PRDM5: variants seen among roughly 807,000 people sequenced by gnomAD.
The protein encoded by PRDM5 is PR domain zinc finger protein 5.
In PRDM5, 56 loss-of-function variants were observed where a neutral mutation model predicts 81.2. The ratio of observed to expected loss-of-function variants is 0.69; its 90% CI spans 0.56 to 0.86. The LOEUF is 0.86. Ranked by LOEUF, PRDM5 falls within the 40% of genes least tolerant of loss-of-function variation. PRDM5 has a pLI of 0.00. For synonymous variants in PRDM5, 267 were observed against 256.4 expected, an observed-to-expected ratio of 1.04 and a Z score of -0.39; for missense variants, 697 against 770.1, an observed-to-expected ratio of 0.91 and a Z score of 1.12.
intron 3 of PRDM5, among the ~76,000 whole-genome samples, chr4:120,831,789 A>G (rs1013535878): frequency 2.0e-5 from 3 of 152,160 alleles, no homozygotes; most frequent in Non-Finnish European, 4.4e-5. Context: ...TTGGTCATAG[A>G]TCAGTAAATT....
At chr4:120,869,757 T>C (rs562370182) in intron 2 of PRDM5, among the ~76,000 whole-genome samples, 2 of 151,930 alleles carry the variant, frequency 1.3e-5, no homozygotes, top group African/African-American at 4.8e-5. Context: ...AAAAGGCAAA[T>C]GTGTAGAAAT....
In PRDM5 at chr4:120,823,824, C is replaced by T. The variant is rs181323133; in HGVS notation, c.301-2479G>A. On this transcript the variant is annotated intron_variant, in intron 3 of 15. Transcript: ENST00000264808. ...CACAAACCTCATGTTGAAATGTGAT[C>T]CCCAATGTTAGAGGTGGGGCCTGAT... Among the ~76,000 whole-genome samples, 212 of 152,298 alleles carry T rather than the reference C, an allele frequency of 1.4e-3. 1 individual carries two copies. Among genetic ancestry groups the T allele is most frequent in the Non-Finnish European group, 2.4e-3 (160 of 68,022 alleles).
At chr4:120,807,763 TC>T (rs1333130365) in intron 8 of PRDM5, among the ~76,000 whole-genome samples, 3 of 152,180 alleles carry the variant, frequency 2.0e-5, no homozygotes, top group African/African-American at 7.2e-5. Context: ...GGGTTCATGG[TC>T]TCGCTGGCTT....
In PRDM5 at chr4:120,909,711, G is replaced by C. The variant is rs528769809; in HGVS notation, c.94-2154C>G. Among the ~76,000 whole-genome samples the C allele has an allele frequency of 5.3e-5, 8 of 152,042 alleles. No individual in the cohort carries two copies. The South Asian group carries it at 6.3e-4, about 12-fold the overall frequency. The stretch of plus-strand genomic sequence containing the variant: ...ACTCAAATAAATGCAATGGGATCGG[G>C]GGGTGGGGGGTGCGGGGGAAGCCTG... On this transcript the variant is annotated intron_variant, in intron 1 of 15. Transcript: ENST00000264808.
chr4:120,864,683 G>C (rs1002597937), intron 2 of PRDM5, among the ~76,000 whole-genome samples: 2 of 152,128 alleles, frequency 1.3e-5, no homozygotes, highest in Non-Finnish European at 2.9e-5. Context: ...TTTAAGTTAA[G>C]GAGTGTTCAG....
At chr4:120,853,394 C>A (rs371914609) in intron 3 of PRDM5, 24 bp downstream of exon 3, 4 of 1,613,518 alleles carry the variant, frequency 2.5e-6, no homozygotes, top group Non-Finnish European at 3.4e-6. Flanking sequence ...GTGCATAGTA[C>A]AAATGAGAAG....
intron 3 of PRDM5, among the ~76,000 whole-genome samples, chr4:120,829,412 T>C (rs1477132346): frequency 6.6e-6 from 1 of 152,090 alleles, no homozygotes; most frequent in East Asian, 1.9e-4. Context: ...CACCTCAACC[T>C]TCTCTGATAA....
chr4:120,834,771 G>A (rs1757147386), intron 3 of PRDM5, among the ~76,000 whole-genome samples: 2 of 152,044 alleles, frequency 1.3e-5, no homozygotes, highest in South Asian at 4.2e-4. Context: ...AAAACAAAAA[G>A]GCTGACTCTC....
intron 3 of PRDM5, among the ~76,000 whole-genome samples, chr4:120,848,592 C>T (rs1263643387): frequency 6.6e-6 from 1 of 152,146 alleles, no homozygotes. Context: ...TAACTGCTAA[C>T]TGGCATGCAG....
At chr4:120,759,736 A>G (rs1307548238) in intron 13 of PRDM5, among the ~76,000 whole-genome samples, 1 of 152,190 alleles carries the variant, frequency 6.6e-6, no homozygotes, top group Non-Finnish European at 1.5e-5. Context: ...ATCCAACTTC[A>G]AATAACGACT....
At chr4:120,867,787 A>C (rs1409974323) in intron 2 of PRDM5, among the ~76,000 whole-genome samples, 1 of 152,216 alleles carries the variant, frequency 6.6e-6, no homozygotes, top group Non-Finnish European at 1.5e-5. Flanking sequence ...AGTGACAAAA[A>C]CACCTTCTTT....
intron 14 of PRDM5, among the ~76,000 whole-genome samples, chr4:120,752,932 T>G: frequency 6.6e-6 from 1 of 152,202 alleles, no homozygotes; most frequent in East Asian, 1.9e-4. Flanking sequence ...TCTGTATTAT[T>G]CTCATTAATA....
At chr4:120,873,320 A>C (rs1221103843) in intron 2 of PRDM5, among the ~76,000 whole-genome samples, 1 of 152,154 alleles carries the variant, frequency 6.6e-6, no homozygotes, top group East Asian at 1.9e-4. Flanking sequence ...TTTTAAGAAG[A>C]GAAAAAAACA....
intron 15 of PRDM5, among the ~76,000 whole-genome samples, chr4:120,696,681 A>G (rs1203497847): frequency 1.3e-5 from 2 of 152,018 alleles, no homozygotes; most frequent in Admixed American, 6.6e-5. Context: ...TACTGCAGAC[A>G]CTCAATAAAT....
chr4:120,804,840 T>C (rs1752670775), intron 8 of PRDM5, among the ~76,000 whole-genome samples: 1 of 151,954 alleles, frequency 6.6e-6, no homozygotes, highest in East Asian at 1.9e-4. Flanking sequence ...AGGCAAGAAA[T>C]AACTAAGACC....
chr4:120,702,343 C>T (rs931429381), intron 15 of PRDM5, among the ~76,000 whole-genome samples: 5 of 152,180 alleles, frequency 3.3e-5, no homozygotes, highest in Admixed American at 6.5e-5. Flanking sequence ...CATTGGGCTT[C>T]CTGCCTCAGA....
chr4:120,781,049 A>G (rs1748961037), intron 12 of PRDM5, 94 bp downstream of exon 12: 1 of 1,063,506 alleles, frequency 9.4e-7, no homozygotes, highest in African/African-American at 1.6e-5. Context: ...ATATTTTGAT[A>G]GATTAATATA....
At chr4:120,802,470 T>C (rs1228702101) in intron 8 of PRDM5, among the ~76,000 whole-genome samples, 2 of 152,224 alleles carry the variant, frequency 1.3e-5, no homozygotes, top group African/African-American at 2.4e-5. Context: ...AGGGGCAGAC[T>C]GACACCCCAC....
chr4:120,745,448 A>G (rs1396406855), intron 14 of PRDM5, among the ~76,000 whole-genome samples: 2 of 149,018 alleles, frequency 1.3e-5, no homozygotes, highest in Non-Finnish European at 3.0e-5. Context: ...TAGGCAGGAG[A>G]AGGAAATAAA....
Sources: gnomAD v4.1 joint callset for allele counts (sites outside exome capture counted in the v4.1 genomes callset) on GRCh38, gnomAD v4.1.1 for gene constraint, MANE v1.5 for transcripts, NCBI Gene and HGNC (gene_info 2026-07-23, HGNC 2026-07-21) for gene names.